RSPO2: variants seen among roughly 807,000 people sequenced by gnomAD.
RSPO2 encodes the protein R-spondin-2.
In RSPO2, 14 loss-of-function variants were observed where a neutral mutation model predicts 30.9. That is an observed-to-expected ratio of 0.45 (90% CI 0.30 to 0.71). The LOEUF is 0.71. Ranked by LOEUF, RSPO2 falls within the 30% of genes least tolerant of loss-of-function variation. RSPO2 has a pLI of 0.08. For missense variants in RSPO2, 264 were observed against 301.9 expected (o/e 0.87, Z 0.93); for synonymous variants, 107 against 96.4 (o/e 1.11, Z -0.64).
intron 3 of RSPO2, among the ~76,000 whole-genome samples, chr8:107,969,869 C>T (rs190007794): frequency 2.6e-4 from 40 of 152,204 alleles, no homozygotes; most frequent in Non-Finnish European, 4.7e-4. Flanking sequence ...TAACTTGTCA[C>T]CCTTTTATAT....
intron 2 of RSPO2, among the ~76,000 whole-genome samples, chr8:108,076,260 G>A (rs889795877): frequency 3.3e-5 from 5 of 152,202 alleles, no homozygotes; most frequent in African/African-American, 1.2e-4. Context: ...TGGTCAGATG[G>A]TGGGGAACGC....
chr8:107,906,327 C>T (rs1438157905), intron 5 of RSPO2, among the ~76,000 whole-genome samples: 1 of 88,750 alleles, frequency 1.1e-5, no homozygotes, highest in African/African-American at 3.3e-5. Flanking sequence ...AGTTTGTTTT[C>T]CCTTTATGAA....
intron 5 of RSPO2, among the ~76,000 whole-genome samples, chr8:107,951,876 T>C (rs1405140513): frequency 6.6e-6 from 1 of 152,170 alleles, no homozygotes; most frequent in Non-Finnish European, 1.5e-5. Flanking sequence ...TGTCCATGTC[T>C]ATGCCCAAGA....
chr8:108,079,914 C>G (rs1813139144), intron 2 of RSPO2, among the ~76,000 whole-genome samples: 1 of 152,110 alleles, frequency 6.6e-6, no homozygotes, highest in African/African-American at 2.4e-5. Flanking sequence ...TCACATAGGC[C>G]CTAACATGTC....
At chr8:107,946,092 T>C (rs1243383234) in intron 5 of RSPO2, among the ~76,000 whole-genome samples, 2 of 152,212 alleles carry the variant, frequency 1.3e-5, no homozygotes, top group Non-Finnish European at 2.9e-5. Context: ...AGCACTGAGA[T>C]GTAAGACTGG....
At chr8:108,057,049 C>T (rs758496553) in intron 2 of RSPO2, among the ~76,000 whole-genome samples, 13 of 54,330 alleles carry the variant, frequency 2.4e-4, no homozygotes, top group Non-Finnish European at 4.1e-4. Context: ...GAGTGAGACT[C>T]TGTCTCAAAA....
chr8:108,060,877 A>G (rs898022122), intron 2 of RSPO2, among the ~76,000 whole-genome samples: 2 of 150,760 alleles, frequency 1.3e-5, no homozygotes, highest in African/African-American at 5.0e-5. Context: ...GGGGGCCAAT[A>G]TTCAACATTC....
rs1813500293 is a variant in RSPO2 at position 107,958,361 on chromosome 8, C to A, written c.428-93G>T. 8 of 956,630 alleles carry A rather than the reference C, an allele frequency of 8.4e-6. No individual in the cohort carries two copies. In the South Asian group the frequency reaches 1.3e-4, roughly 15 times the overall value. The allele number at this position is 956,630 out of a possible 1,614,324, so 59.3% of individuals were successfully genotyped here. ...GTCATCAAATTTACAGAGCAGTGTT[C>A]CTTCACTAACCCCACCTTCAGATAC... On this transcript the variant is annotated intron_variant, in intron 4 of 5. Coordinates refer to ENST00000276659, the MANE Select transcript of RSPO2 (RefSeq NM_178565.5).
At chr8:107,958,641 C>T (rs2130434611) in intron 4 of RSPO2, among the ~76,000 whole-genome samples, 1 of 152,276 alleles carries the variant, frequency 6.6e-6, no homozygotes, top group South Asian at 2.1e-4. Flanking sequence ...CAACCCATCA[C>T]CCAGGTATTA....
intron 3 of RSPO2, among the ~76,000 whole-genome samples, chr8:107,976,790 C>T (rs1281076342): frequency 1.3e-5 from 2 of 152,206 alleles, no homozygotes; most frequent in Non-Finnish European, 2.9e-5. Context: ...TACAAACACT[C>T]CCCTCCTCTT....
chr8:108,042,517 C>A (rs1811789166), intron 2 of RSPO2, among the ~76,000 whole-genome samples: 6 of 152,108 alleles, frequency 3.9e-5, no homozygotes. Flanking sequence ...CAGCTCAATA[C>A]CCGTGCCGTG....
chr8:107,961,138 A>G (rs1813613190), intron 3 of RSPO2, among the ~76,000 whole-genome samples: 1 of 152,174 alleles, frequency 6.6e-6, no homozygotes, highest in Non-Finnish European at 1.5e-5. Context: ...CCCTCTACAA[A>G]TTACTTGCTG....
At chr8:108,042,964 C>T (rs1811801732) in intron 2 of RSPO2, among the ~76,000 whole-genome samples, 1 of 152,006 alleles carries the variant, frequency 6.6e-6, no homozygotes, top group Non-Finnish European at 1.5e-5. Flanking sequence ...ACTGCTGTTG[C>T]AAGGAGCAAA....
intron 2 of RSPO2, among the ~76,000 whole-genome samples, chr8:108,075,011 AAATAT>A (rs1261976437): frequency 2.0e-5 from 3 of 152,194 alleles, no homozygotes; most frequent in Admixed American, 2.0e-4. Context: ...CTAAAATCAT[AAATAT>A]AATAACTAGG....
intron 2 of RSPO2, among the ~76,000 whole-genome samples, chr8:108,036,739 C>T (rs907003871): frequency 6.6e-5 from 10 of 152,318 alleles, no homozygotes; most frequent in African/African-American, 2.2e-4. Context: ...GGCAACCTTA[C>T]GTCAAGTCTA....
At chr8:108,014,853 A>AAG (rs889295187) in intron 2 of RSPO2, among the ~76,000 whole-genome samples, 4 of 151,896 alleles carry the variant, frequency 2.6e-5, no homozygotes, top group African/African-American at 9.7e-5. Flanking sequence ...ATAAAAAAAA[A>AAG]AAAAAGAAAA....
At chr8:108,062,699 C>G (rs951394112) in intron 2 of RSPO2, among the ~76,000 whole-genome samples, 17 of 151,776 alleles carry the variant, frequency 1.1e-4, no homozygotes, top group Non-Finnish European at 2.5e-4. Flanking sequence ...CAGAATCATC[C>G]TGATATCAAA....
chr8:108,055,679 G>A (rs892969224), intron 2 of RSPO2, among the ~76,000 whole-genome samples: 2 of 152,106 alleles, frequency 1.3e-5, no homozygotes, highest in Non-Finnish European at 2.9e-5. Flanking sequence ...GTTATTTGGA[G>A]CCAGGAAATG....
At chr8:108,071,560 G>C (rs1023106042) in intron 2 of RSPO2, among the ~76,000 whole-genome samples, 2 of 152,204 alleles carry the variant, frequency 1.3e-5, no homozygotes, top group Non-Finnish European at 2.9e-5. Flanking sequence ...TCAGTGGAAG[G>C]AATGCTATGG....
Sources: allele counts gnomAD v4.1 joint callset (sites outside exome capture counted in the v4.1 genomes callset), GRCh38; gene constraint gnomAD v4.1.1; transcripts MANE v1.5; gene names NCBI Gene and HGNC (gene_info 2026-07-23, HGNC 2026-07-21).